Variants in TMEM255B observed in about 807,000 individuals in gnomAD.
The protein encoded by TMEM255B is transmembrane protein 255B, also known as family with sequence similarity 70, member B.
Under a neutral mutation model 34.5 loss-of-function variants are expected in TMEM255B, and 35 were observed. The observed-to-expected ratio is 1.01, with a 90% CI of 0.77 to 1.34. The LOEUF (loss-of-function observed/expected upper bound fraction) is 1.34. Ranked by LOEUF, TMEM255B falls within the 40% of genes most tolerant of loss-of-function variation. The pLI is 0.00. For missense variants in TMEM255B, 432 were observed against 433.2 expected (o/e 1.00, Z 0.02); for synonymous variants, 206 against 201.2 (o/e 1.02, Z -0.20).
chr13:113,808,089 T>C (rs751718431), intron 8 of TMEM255B, among the ~76,000 whole-genome samples: 10 of 152,116 alleles, frequency 6.6e-5, no homozygotes, highest in Non-Finnish European at 1.3e-4. Flanking sequence ...ATGAGGCTCA[T>C]GTGCTCCTCA....
rs1374810155 is a variant in TMEM255B, at chr13:113,814,386, A to G, written c.*2483A>G. The G allele has an allele frequency of 6.6e-6, 1 of 152,288 alleles. No homozygotes were observed. The highest frequency in any genetic ancestry group is 2.4e-5 in the African/African-American group (1 of 41,470). The allele number at this position is 152,288 out of a possible 1,614,324, so 9.4% of individuals were successfully genotyped here. On this transcript the variant is annotated 3_prime_UTR_variant, in exon 9 of 9. Transcript: ENST00000375353. The stretch of plus-strand genomic sequence containing the variant: ...CTCACCAGCTTCCCCCAAACACAAC[A>G]TCGATCTTTCCCGACTTTTAATCTT...
chr13:113,771,567 T>C (rs899522181), intron 3 of TMEM255B, among the ~76,000 whole-genome samples: 5 of 152,134 alleles, frequency 3.3e-5, no homozygotes, highest in African/African-American at 1.2e-4. Flanking sequence ...TAATCCCAGC[T>C]ACTCAGGAGG....
chr13:113,785,403 G>A (rs1358302285), intron 3 of TMEM255B, among the ~76,000 whole-genome samples: 2 of 152,196 alleles, frequency 1.3e-5, no homozygotes, highest in East Asian at 3.9e-4. Flanking sequence ...GGAGGCTTGC[G>A]GGCTTCCCTC....
At chr13:113,794,513 C>A (rs7985811) in intron 3 of TMEM255B, among the ~76,000 whole-genome samples, 1,826 of 152,154 alleles carry the variant, frequency 0.012, 40 homozygotes, top group African/African-American at 0.041. Flanking sequence ...CTCTGCCCAG[C>A]GTGGTACCAA....
At position 113,816,584 on chromosome 13, in the gene TMEM255B, A is replaced by C. The variant is rs2051404824; in HGVS notation, c.*4681A>C. The C allele has an allele frequency of 6.6e-6, 1 of 152,354 alleles. No individual in the cohort carries two copies. The highest frequency in any genetic ancestry group is 1.5e-5 in the Non-Finnish European group (1 of 68,168). 9.4% of individuals were successfully genotyped at this position (152,354 alleles called of 1,614,324 possible). A position where few individuals can be genotyped will look rare whatever the true frequency, so the allele number is the denominator to read the frequency against. ...GAGCCATGGTCATCACCCTCGCCAC[A>C]CAGAGCAGCTCCTCCTGCAGACTTG... On this transcript the variant is annotated 3_prime_UTR_variant, in exon 9 of 9. Coordinates refer to ENST00000375353, the MANE Select transcript of TMEM255B (RefSeq NM_182614.4).
intron 3 of TMEM255B, among the ~76,000 whole-genome samples, chr13:113,786,523 CACCACTGTCATCACCATT>C (rs1232317577): frequency 1.8e-5 from 1 of 54,280 alleles, no homozygotes; most frequent in East Asian, 2.0e-3. Context: ...TCACCATTGT[CACCACTGTCATCACCATT>C]GTCACCATCG....
intron 3 of TMEM255B, among the ~76,000 whole-genome samples, chr13:113,792,182 G>T (rs187063648): frequency 5.9e-5 from 9 of 152,264 alleles, no homozygotes; most frequent in Non-Finnish European, 1.0e-4. Context: ...TGTATTTTAC[G>T]TATTTATACC....
chr13:113,781,212 C>T (rs1262057214), intron 3 of TMEM255B, among the ~76,000 whole-genome samples: 1 of 152,186 alleles, frequency 6.6e-6, no homozygotes, highest in Admixed American at 6.5e-5. Context: ...CAGGCTAGTG[C>T]TCTAAGAGAA....
intron 7 of TMEM255B, among the ~76,000 whole-genome samples, chr13:113,803,708 C>T (rs1046090325): frequency 6.6e-5 from 10 of 152,174 alleles, no homozygotes; most frequent in Admixed American, 4.6e-4. Context: ...TCGGCTGCCC[C>T]CCTGCTCTCT....
At chr13:113,759,714 A>G (rs2050264553) in intron 1 of TMEM255B, among the ~76,000 whole-genome samples, 1 of 152,062 alleles carries the variant, frequency 6.6e-6, no homozygotes, top group Admixed American at 6.6e-5. Flanking sequence ...CGTTTATTCC[A>G]ACCTACACCA....
At chr13:113,774,589 A>ACAAATG (rs2050530885) in intron 3 of TMEM255B, among the ~76,000 whole-genome samples, 6 of 139,774 alleles carry the variant, frequency 4.3e-5, no homozygotes, top group Non-Finnish European at 7.8e-5. Context: ...CACACCACAC[A>ACAAATG]ACACACAAAT....
At position 113,813,630 on chromosome 13, in the gene TMEM255B, C is replaced by G. The variant is rs1019307215; in HGVS notation, c.*1727C>G. The G allele has an allele frequency of 2.0e-5, 3 of 152,184 alleles. No individual in the cohort carries two copies. Among genetic ancestry groups the G allele is most frequent in the African/African-American group, 7.2e-5 (3 of 41,446 alleles). 9.4% of individuals were successfully genotyped at this position (152,184 alleles called of 1,614,324 possible). ...CCCTCTGCCCGACGGAGGGTCTCAT[C>G]CTGTGTCCAGCGCTCCTGGGCAGAA... On this transcript the variant is annotated 3_prime_UTR_variant, in exon 9 of 9. Coordinates refer to ENST00000375353, the MANE Select transcript of TMEM255B (RefSeq NM_182614.4).
intron 1 of TMEM255B, among the ~76,000 whole-genome samples, chr13:113,764,955 C>G (rs1157662054): frequency 1.3e-5 from 2 of 152,216 alleles, no homozygotes; most frequent in South Asian, 2.1e-4. Flanking sequence ...AAGGACAGTG[C>G]CACTGGCCGC....
intron 8 of TMEM255B, among the ~76,000 whole-genome samples, chr13:113,810,385 A>AG (rs2051275943): frequency 6.6e-6 from 1 of 152,236 alleles, no homozygotes; most frequent in African/African-American, 2.4e-5. Context: ...TAGCAGTTGG[A>AG]GAAAAACTAG....
At chr13:113,803,876 G>C (rs994888341) in intron 7 of TMEM255B, among the ~76,000 whole-genome samples, 2 of 152,288 alleles carry the variant, frequency 1.3e-5, no homozygotes, top group Non-Finnish European at 2.9e-5. Context: ...GGACACCTCA[G>C]GCCTGGGGTC....
chr13:113,799,402 G>A lies in TMEM255B; in HGVS notation c.406G>A (p.Asp136Asn), dbSNP rs750907190. Reference sequence around the variant, plus strand: ...CTCCAGTGGGGTGGGGTACTTGTACGATGTCTACCAGACAGAGGTGAGCAG... The same window carrying A: ...CTCCAGTGGGGTGGGGTACTTGTACAATGTCTACCAGACAGAGGTGAGCAG... ...FYSSGVGYLYDVYQTEVTCHS... is the reference protein window; with the variant it reads ...FYSSGVGYLYNVYQTEVTCHS... The change falls in exon 5 of 9, where the codon GAT becomes AAT. Residue 136 changes from aspartate (D) to asparagine (N), a missense_variant. Physicochemically the swap from Asp to Asn is conservative, Grantham distance 23. Coordinates refer to ENST00000375353, the MANE Select transcript of TMEM255B (RefSeq NM_182614.4). The A allele has an allele frequency of 8.1e-6, 13 of 1,614,050 alleles. No homozygotes were observed. The highest frequency in any genetic ancestry group is 1.6e-4 in the Middle Eastern group (1 of 6,064).
At chr13:113,801,036 G>A (rs1430009085) in intron 6 of TMEM255B, 124 bp downstream of exon 6, 2 of 359,190 alleles carry the variant, frequency 5.6e-6, no homozygotes, top group East Asian at 6.9e-4. Context: ...CCTGAGGGAG[G>A]TGAGGGGCGC....
intron 3 of TMEM255B, among the ~76,000 whole-genome samples, chr13:113,781,727 T>C (rs940398761): frequency 6.6e-6 from 1 of 152,214 alleles, no homozygotes; most frequent in Non-Finnish European, 1.5e-5. Context: ...ATAAAGCATT[T>C]AGGAGGCCTA....
intron 5 of TMEM255B, chr13:113,799,943 TTAAC>T (rs2051012333): frequency 7.8e-7 from 1 of 1,289,314 alleles, no homozygotes; most frequent in South Asian, 1.2e-5. Flanking sequence ...ATTCCTGGCT[TTAAC>T]TAAACGCAGC....
Sources: allele counts gnomAD v4.1 joint callset (sites outside exome capture counted in the v4.1 genomes callset), GRCh38; gene constraint gnomAD v4.1.1; transcripts MANE v1.5; gene names NCBI Gene and HGNC (gene_info 2026-07-23, HGNC 2026-07-21).